NME7: variants seen among roughly 807,000 people sequenced by gnomAD.
NME7 encodes NME/NM23 family member 7.
In NME7, 41 loss-of-function variants were observed where a neutral mutation model predicts 49.1. The observed-to-expected ratio is 0.83, with a 90% CI of 0.65 to 1.08. The LOEUF is 1.08. NME7 is among the 50% of genes least tolerant of loss of function. NME7 has a pLI of 0.00. For synonymous variants in NME7, 139 were observed against 150.6 expected (o/e 0.92, Z 0.56); for missense variants, 423 against 463.4 (o/e 0.91, Z 0.80).
In NME7 at chr1:169,266,833, C is replaced by T. The variant is rs1192390747; in HGVS notation, c.754+20470G>A. ...CTGTAATCCCAGGACTTTGGGAGGCCGAGACAGGTGGATCACTTGAGGTCA... is the reference window on the plus strand; with the variant it reads ...CTGTAATCCCAGGACTTTGGGAGGCTGAGACAGGTGGATCACTTGAGGTCA... On this transcript the variant is annotated intron_variant, in intron 7 of 11. Transcript: ENST00000367811. Among the ~76,000 whole-genome samples, 5 of 132,476 alleles carry T rather than the reference C, an allele frequency of 3.8e-5. 1 individual carries two copies. Among genetic ancestry groups the T allele is most frequent in the East Asian group, 2.0e-4 (1 of 5,006 alleles). The allele number at this position is 132,476 out of a possible 152,430, so 86.9% of individuals were successfully genotyped here.
intron 7 of NME7, among the ~76,000 whole-genome samples, chr1:169,276,435 A>C (rs937244520): frequency 2.3e-5 from 3 of 132,480 alleles, no homozygotes; most frequent in Admixed American, 2.2e-4. Context: ...TGTGTCGAGG[A>C]ATTTATCCAT....
In NME7 at chr1:169,215,510, T is replaced by C. The variant is rs189747218; in HGVS notation, c.990+15208A>G. Among the ~76,000 whole-genome samples, 151 of 152,244 alleles carry C rather than the reference T, an allele frequency of 9.9e-4. 2 individuals are homozygous for C. Among genetic ancestry groups the C allele is most frequent in the Non-Finnish European group, 1.5e-4 (10 of 68,004 alleles). ...CCTGTCTGCCTAGAGTTTCTCTGCC[T>C]CCTACCTCTATTATTATTTATTTTG... On this transcript the variant is annotated intron_variant, in intron 10 of 11. Coordinates refer to ENST00000367811, the MANE Select transcript of NME7 (RefSeq NM_013330.5).
intron 7 of NME7, among the ~76,000 whole-genome samples, chr1:169,244,347 T>C (rs1253194955): frequency 6.6e-6 from 1 of 152,142 alleles, no homozygotes; most frequent in Non-Finnish European, 1.5e-5. Flanking sequence ...AAAATTAAGT[T>C]GTTGGCCAGG....
chr1:169,288,435 A>G (rs1650362743), intron 6 of NME7, among the ~76,000 whole-genome samples: 1 of 152,198 alleles, frequency 6.6e-6, no homozygotes, highest in African/African-American at 2.4e-5. Flanking sequence ...ATCTCTGTAG[A>G]TGTGAGTTTC....
At chr1:169,291,576 A>C (rs769956540) in intron 6 of NME7, among the ~76,000 whole-genome samples, 36 of 151,950 alleles carry the variant, frequency 2.4e-4, no homozygotes, top group Admixed American at 1.6e-3. Flanking sequence ...GGGTGCAGCA[A>C]ACCACCATGG....
chr1:169,329,185 A>C (rs10919141), intron 1 of NME7, among the ~76,000 whole-genome samples: 69,625 of 151,302 alleles, frequency 0.46, 16,370 homozygotes, highest in Non-Finnish European at 0.52. Flanking sequence ...ACAACAACAA[A>C]AAAAAAATCT....
At chr1:169,252,180 G>C (rs1250215133) in intron 7 of NME7, among the ~76,000 whole-genome samples, 7 of 151,166 alleles carry the variant, frequency 4.6e-5, no homozygotes, top group Non-Finnish European at 8.8e-5. Context: ...CCCACCAACA[G>C]TGTAAAAGTG....
At chr1:169,292,031 T>C (rs1650528089) in intron 6 of NME7, among the ~76,000 whole-genome samples, 1 of 152,016 alleles carries the variant, frequency 6.6e-6, no homozygotes, top group Non-Finnish European at 1.5e-5. Flanking sequence ...ATCGCTGAAA[T>C]TGACCCAGAT....
At chr1:169,288,359 A>G (rs1053840610) in intron 6 of NME7, among the ~76,000 whole-genome samples, 1 of 152,110 alleles carries the variant, frequency 6.6e-6, no homozygotes, top group Admixed American at 6.6e-5. Flanking sequence ...CCCTGTGTGT[A>G]CTCAAATCCA....
intron 7 of NME7, among the ~76,000 whole-genome samples, chr1:169,275,462 G>C (rs554500185): frequency 0.02 from 1,709 of 86,070 alleles, 293 homozygotes; most frequent in Middle Eastern, 0.044. Context: ...CTGGGCGACA[G>C]AGCGAAACTC....
chr1:169,328,235 A>G (rs1652134955), intron 1 of NME7, among the ~76,000 whole-genome samples: 1 of 152,188 alleles, frequency 6.6e-6, no homozygotes, highest in South Asian at 2.1e-4. Flanking sequence ...GTGAGAGTCC[A>G]AAAGACCTGG....
intron 10 of NME7, among the ~76,000 whole-genome samples, chr1:169,199,105 T>C (rs1053724402): frequency 6.6e-6 from 1 of 152,152 alleles, no homozygotes; most frequent in Non-Finnish European, 1.5e-5. Context: ...CTATTTTTCA[T>C]TTATCACAAA....
intron 5 of NME7, among the ~76,000 whole-genome samples, chr1:169,301,718 T>TATATAA (rs1553254387): frequency 6.6e-6 from 1 of 151,928 alleles, no homozygotes; most frequent in Non-Finnish European, 1.5e-5. Context: ...TATATATATA[T>TATATAA]AACACAGAAT....
intron 7 of NME7, among the ~76,000 whole-genome samples, chr1:169,253,133 T>A (rs1270343140): frequency 7.2e-5 from 11 of 152,008 alleles, no homozygotes; most frequent in African/African-American, 1.7e-4. Flanking sequence ...ATGGCATTGA[T>A]TCTATAAATT....
chr1:169,188,192 G>A (rs931504193), intron 10 of NME7, among the ~76,000 whole-genome samples: 3 of 151,938 alleles, frequency 2.0e-5, no homozygotes, highest in Non-Finnish European at 4.4e-5. Context: ...TATTTTGTAC[G>A]AAGTTCATCT....
intron 10 of NME7, among the ~76,000 whole-genome samples, chr1:169,193,003 T>C (rs1452861036): frequency 2.6e-5 from 4 of 152,226 alleles, no homozygotes; most frequent in East Asian, 1.9e-4. Context: ...TATATTTCAA[T>C]TAAGTGCTTT....
chr1:169,287,235 G>T (rs1459520024), intron 7 of NME7, 68 bp downstream of exon 7: 10 of 1,231,776 alleles, frequency 8.1e-6, no homozygotes, highest in Non-Finnish European at 1.1e-5. Context: ...TATACATAAA[G>T]TACATCAAGA....
In NME7 at chr1:169,342,453, A is replaced by G. The variant is rs527573518; in HGVS notation, c.4-17953T>C. Among the ~76,000 whole-genome samples, 697 of 147,864 alleles carry G rather than the reference A, an allele frequency of 4.7e-3. 4 individuals carry two copies. The highest frequency in any genetic ancestry group is 0.016 in the African/African-American group (656 of 39,982). On this transcript the variant is annotated intron_variant, in intron 1 of 11. Transcript: ENST00000367811. ...TACCTTTATAGCAGTGTGAACATGG[A>G]CTAATACAAGTACATATATATACTT...
chr1:169,254,538 A>C (rs1179454309), intron 7 of NME7, among the ~76,000 whole-genome samples: 2 of 151,324 alleles, frequency 1.3e-5, no homozygotes, highest in Admixed American at 6.6e-5. Context: ...TAATTTTTTG[A>C]AGGGTTTTTT....
Sources: gnomAD v4.1 joint callset for allele counts (sites outside exome capture counted in the v4.1 genomes callset) on GRCh38, gnomAD v4.1.1 for gene constraint, MANE v1.5 for transcripts, NCBI Gene and HGNC (gene_info 2026-07-23, HGNC 2026-07-21) for gene names.